THRB: variants seen among roughly 807,000 people sequenced by gnomAD.
THRB encodes thyroid hormone receptor beta, also known as nuclear receptor subfamily 1 group A member 2.
In THRB, 12 loss-of-function variants were observed where a neutral mutation model predicts 47.8. The ratio of observed to expected loss-of-function variants is 0.25; its 90% CI spans 0.16 to 0.41. The LOEUF is 0.41. Among genes scored for constraint, THRB ranks in the 10% least tolerant of loss-of-function variants. The pLI, the probability that THRB is intolerant of heterozygous loss-of-function variation, is 1.00. For synonymous variants in THRB, 218 were observed against 212.2 expected, an observed-to-expected ratio of 1.03 and a Z score of -0.24; for missense variants, 348 against 589.2, an observed-to-expected ratio of 0.59 and a Z score of 4.24.
In THRB at chr3:24,477,471, C is replaced by T. The variant is rs564206125; in HGVS notation, c.-261+17181G>A. 5.3e-5 allele frequency among the ~76,000 whole-genome samples: 8 copies of T among 152,132 alleles called. No homozygotes were observed. The East Asian group carries it at 1.5e-3, about 29-fold the overall frequency. On this transcript the variant is annotated intron_variant, in intron 1 of 10. Coordinates refer to ENST00000646209, the MANE Select transcript of THRB (RefSeq NM_001354712.2). ...TGGGGACCTTGTTTAAATGCAGATC[C>T]CGGGTTCAGCAGGTCTGGGCTGGAG...
In THRB at chr3:24,121,622, TTTCTA is replaced by T. The variant is rs2148770152; in HGVS notation, c.*1257_*1261del. The T allele has an allele frequency of 6.6e-6, 1 of 152,470 alleles. No homozygotes were observed. Among genetic ancestry groups the T allele is most frequent in the East Asian group, 1.9e-4 (1 of 5,188 alleles). 9.4% of individuals were successfully genotyped at this position (152,470 alleles called of 1,614,324 possible). On this transcript the variant is annotated 3_prime_UTR_variant, in exon 11 of 11. Transcript: ENST00000646209. ...AAGTGTGCACATGGTCTGCAGGTGT[TTTCTA>T]TTGAGTATCTGTCAGGGTATGCTAT...
intron 1 of THRB, among the ~76,000 whole-genome samples, chr3:24,418,600 T>C (rs1455447524): frequency 6.6e-6 from 1 of 151,924 alleles, no homozygotes; most frequent in Non-Finnish European, 1.5e-5. Flanking sequence ...CACACCTTCA[T>C]CCCCAATCAC....
At chr3:24,173,187 G>A (rs559129984) in intron 5 of THRB, among the ~76,000 whole-genome samples, 1 of 152,142 alleles carries the variant, frequency 6.6e-6, no homozygotes, top group Non-Finnish European at 1.5e-5. Context: ...GATACTAGCC[G>A]AAGTTTGAGA....
At chr3:24,238,334 C>A (rs1352030708) in intron 3 of THRB, among the ~76,000 whole-genome samples, 1 of 141,316 alleles carries the variant, frequency 7.1e-6, no homozygotes. Flanking sequence ...GAAACACATT[C>A]ATCATGTCAG....
chr3:24,277,204 G>C (rs1033866241), intron 3 of THRB, among the ~76,000 whole-genome samples: 1 of 152,122 alleles, frequency 6.6e-6, no homozygotes, highest in Non-Finnish European at 1.5e-5. Flanking sequence ...CCCACCCCAG[G>C]GTTCATCTGG....
At chr3:24,255,908 G>A (rs527607856) in intron 3 of THRB, among the ~76,000 whole-genome samples, 28 of 152,344 alleles carry the variant, frequency 1.8e-4, no homozygotes, top group African/African-American at 6.5e-4. Flanking sequence ...CTGTGTTGAG[G>A]GGGTGAGGGG....
chr3:24,142,984 A>T lies in THRB; in HGVS notation c.738+517T>A, dbSNP rs188772759. On this transcript the variant is annotated intron_variant, in intron 8 of 10. Transcript: ENST00000646209. The stretch of plus-strand genomic sequence containing the variant: ...CTACACACTCGTGCCCACCAACCCT[A>T]TCCCTACTCCCTCATTCCCATTGCC... 1.5e-4 allele frequency among the ~76,000 whole-genome samples: 23 copies of T among 152,326 alleles called. No individual in the cohort carries two copies. The East Asian group carries it at 3.1e-3, about 20-fold the overall frequency.
At chr3:24,289,374 T>C (rs1233303475) in intron 3 of THRB, among the ~76,000 whole-genome samples, 9 of 152,188 alleles carry the variant, frequency 5.9e-5, no homozygotes, top group African/African-American at 2.2e-4. Flanking sequence ...ACATAAAAAA[T>C]TGCCAACATT....
intron 5 of THRB, among the ~76,000 whole-genome samples, chr3:24,180,463 G>A (rs2041751666): frequency 6.6e-6 from 1 of 152,204 alleles, no homozygotes; most frequent in South Asian, 2.1e-4. Context: ...GTTGAATAAA[G>A]TCAAGTCCCT....
chr3:24,447,080 G>A (rs369938163), intron 1 of THRB, among the ~76,000 whole-genome samples: 2 of 152,130 alleles, frequency 1.3e-5, no homozygotes, highest in South Asian at 2.1e-4. Flanking sequence ...AATAGAAGTA[G>A]ATGAAAACTA....
At chr3:24,388,393 T>G (rs1423872353) in intron 1 of THRB, among the ~76,000 whole-genome samples, 9 of 152,142 alleles carry the variant, frequency 5.9e-5, no homozygotes. Flanking sequence ...CTTACTACAC[T>G]GTCTCAGAAT....
chr3:24,218,336 CTCTCTCTTT>C (rs1276086990), intron 4 of THRB, among the ~76,000 whole-genome samples: 3 of 110,956 alleles, frequency 2.7e-5, no homozygotes, highest in African/African-American at 1.4e-4. Flanking sequence ...CTCTCTCTCT[CTCTCTCTTT>C]TTTTTTTTTT....
intron 1 of THRB, among the ~76,000 whole-genome samples, chr3:24,460,281 G>A (rs577489677): frequency 2.5e-4 from 38 of 152,076 alleles, no homozygotes; most frequent in African/African-American, 8.9e-4. Flanking sequence ...TACCATACTG[G>A]GTAAATGAAT....
intron 5 of THRB, among the ~76,000 whole-genome samples, chr3:24,166,106 C>T (rs1172374024): frequency 6.6e-6 from 1 of 152,174 alleles, no homozygotes; most frequent in East Asian, 1.9e-4. Flanking sequence ...CAAGGAAGTA[C>T]ACGGTTGAAA....
chr3:24,427,067 T>G (rs1229097209), intron 1 of THRB, among the ~76,000 whole-genome samples: 1 of 151,964 alleles, frequency 6.6e-6, no homozygotes, highest in Non-Finnish European at 1.5e-5. Context: ...ATCCTTCCAT[T>G]CATCATTGAC....
chr3:24,208,385 T>C (rs2045637543), intron 4 of THRB, among the ~76,000 whole-genome samples: 1 of 152,154 alleles, frequency 6.6e-6, no homozygotes, highest in South Asian at 2.1e-4. Flanking sequence ...GAGCCCGCAT[T>C]GCCAAGACAA....
chr3:24,294,907 C>G (rs977002668), intron 3 of THRB, among the ~76,000 whole-genome samples: 3 of 152,208 alleles, frequency 2.0e-5, no homozygotes, highest in African/African-American at 7.2e-5. Context: ...CACTGGCTCT[C>G]AGCACAATCA....
At chr3:24,427,886 T>C (rs2150354444) in intron 1 of THRB, among the ~76,000 whole-genome samples, 1 of 152,186 alleles carries the variant, frequency 6.6e-6, no homozygotes, top group South Asian at 2.1e-4. Flanking sequence ...GAGGTTTTCC[T>C]TGAAATATCA....
chr3:24,393,249 T>G (rs1443839659), intron 1 of THRB, among the ~76,000 whole-genome samples: 1 of 152,184 alleles, frequency 6.6e-6, no homozygotes, highest in African/African-American at 2.4e-5. Flanking sequence ...TATTTTTATA[T>G]CATGGCAATG....
Sources: allele counts gnomAD v4.1 joint callset (sites outside exome capture counted in the v4.1 genomes callset), GRCh38; gene constraint gnomAD v4.1.1; transcripts MANE v1.5; gene names NCBI Gene and HGNC (gene_info 2026-07-23, HGNC 2026-07-21).